The following IP6K1 variants were observed in gnomAD, a reference collection of about 807,000 sequenced individuals.
IP6K1 encodes the protein inositol hexakisphosphate kinase 1.
Under a neutral mutation model 38.3 loss-of-function variants are expected in IP6K1, and 13 were observed. The observed-to-expected ratio is 0.34, with a 90% confidence interval of 0.22 to 0.54. The LOEUF is 0.54. Ranked by LOEUF, IP6K1 falls within the 20% of genes least tolerant of loss-of-function variation. The probability of loss-of-function intolerance (pLI) is 0.92; values close to 1 mark genes in which losing one functional copy is unlikely to be tolerated. For missense variants in IP6K1, 397 were observed against 599.8 expected (o/e 0.66, Z 3.53); for synonymous variants, 212 against 229.9 (o/e 0.92, Z 0.70).
intron 3 of IP6K1, among the ~76,000 whole-genome samples, chr3:49,737,453 A>C (rs1348457858): frequency 6.6e-6 from 1 of 152,226 alleles, no homozygotes; most frequent in Non-Finnish European, 1.5e-5. Flanking sequence ...TGGGAAGCCA[A>C]GGCAGGCGAA....
At chr3:49,743,241 TAC>T (rs202144754) in intron 2 of IP6K1, among the ~76,000 whole-genome samples, 10,484 of 137,178 alleles carry the variant, frequency 0.076, 412 homozygotes, top group Non-Finnish European at 0.089. Context: ...AAAAACAAAA[TAC>T]ACACACACAC....
chr3:49,750,232 G>A (rs770921761), intron 1 of IP6K1, among the ~76,000 whole-genome samples: 24 of 152,090 alleles, frequency 1.6e-4, no homozygotes, highest in Admixed American at 9.8e-4. Context: ...TTCTGCCCTG[G>A]CCCCGGTCAG....
rs1472224597 is a variant in IP6K1, at chr3:49,727,169, C to G, written c.1279G>C (p.Glu427Gln). The change falls in exon 6 of 6, where the codon GAG becomes CAG. Residue 427 changes from glutamate to glutamine, a missense_variant. By Grantham distance (29) the Glu-to-Gln change is conservative. Coordinates refer to ENST00000321599, the MANE Select transcript of IP6K1 (RefSeq NM_153273.4). The surrounding 1 kb of genome is among the most constrained non-coding windows in gnomAD (Gnocchi z 5.9). ...GPDRGYVFGLENLISIMEQMR... is the reference protein window; with the variant it reads ...GPDRGYVFGLQNLISIMEQMR... ...TGTTCCATGATGCTGATGAGGTTCT[C>G]CAGGCCAAACACGTAGCCTCTGTCT... The G allele has an allele frequency of 1.9e-6, 3 of 1,613,902 alleles. No homozygotes were observed. Among genetic ancestry groups the G allele is most frequent in the Non-Finnish European group, 2.5e-6 (3 of 1,179,942 alleles).
intron 1 of IP6K1, among the ~76,000 whole-genome samples, chr3:49,762,015 G>A (rs922289724): frequency 2.0e-5 from 3 of 152,074 alleles, no homozygotes; most frequent in African/African-American, 7.2e-5. Context: ...GGCCTGGCAC[G>A]ATCTTGGCTC....
Position 49,754,217 on chromosome 3 carries a change from AT to A in IP6K1, c.-128-6050del, listed in dbSNP as rs1474822291. ...CTTCACTTTTACCAAAAAAAAAAAA[AT>A]TACAAAAATTAGCCAGGCGTGGTGG... On this transcript the variant is annotated intron_variant, in intron 1 of 5. Transcript: ENST00000321599. Among the ~76,000 whole-genome samples, 8 of 146,884 alleles carry A rather than the reference AT, an allele frequency of 5.4e-5. No individual in the cohort carries two copies. In the East Asian group the frequency reaches 1.4e-3, roughly 26 times the overall value.
chr3:49,730,141 C>T (rs550906868), intron 4 of IP6K1, among the ~76,000 whole-genome samples: 1 of 152,252 alleles, frequency 6.6e-6, no homozygotes, highest in South Asian at 2.1e-4. Flanking sequence ...GATCTGCCCA[C>T]CTCGGCCTCC....
chr3:49,757,870 C>T (rs573509134), intron 1 of IP6K1, among the ~76,000 whole-genome samples: 1 of 152,216 alleles, frequency 6.6e-6, no homozygotes, highest in Admixed American at 6.5e-5. Context: ...CTTATATTAG[C>T]AATATTCACA....
rs1189313550 is a variant in IP6K1, at chr3:49,772,241, A to ATGTG, written c.-129+14109_-129+14112dup. On this transcript the variant is annotated intron_variant, in intron 1 of 5. Transcript: ENST00000321599. ...AAAAAAAAAATATATATATATATAT[A>ATGTG]TGTGTGTGTGTGTGTAACACATATA... Among the ~76,000 whole-genome samples the ATGTG allele has an allele frequency of 6.1e-4, 86 of 141,194 alleles. 1 individual carries two copies. Among genetic ancestry groups the ATGTG allele is most frequent in the African/African-American group, 2.1e-3 (83 of 38,618 alleles). The allele number at this position is 141,194 out of a possible 152,430, so 92.6% of individuals were successfully genotyped here.
At chr3:49,734,995 T>C (rs2080595172) in intron 3 of IP6K1, among the ~76,000 whole-genome samples, 1 of 152,118 alleles carries the variant, frequency 6.6e-6, no homozygotes, top group African/African-American at 2.4e-5. Flanking sequence ...CTAGGTGATG[T>C]TATTCTATAC....
chr3:49,728,052 A>T lies in IP6K1; in HGVS notation c.792+51T>A, dbSNP rs1363861957. 3 of 1,569,360 alleles carry T rather than the reference A, an allele frequency of 1.9e-6. No homozygotes were observed. In the Middle Eastern group the frequency reaches 6.6e-4, roughly 344 times the overall value. On this transcript the variant is annotated intron_variant, in intron 5 of 5. Transcript: ENST00000321599. ...TAGATGGCAGGCAGGTATGAGCACA[A>T]CCCAAATCATGCAAGTGGCAGCACC...
intron 4 of IP6K1, among the ~76,000 whole-genome samples, chr3:49,730,676 A>G (rs1217552730): frequency 1.3e-5 from 2 of 151,908 alleles, no homozygotes; most frequent in Non-Finnish European, 2.9e-5. Flanking sequence ...CCTCCCAAGT[A>G]GCTGGAACTA....
At chr3:49,777,516 T>C (rs62260663) in intron 1 of IP6K1, among the ~76,000 whole-genome samples, 27,412 of 151,044 alleles carry the variant, frequency 0.18, 2,820 homozygotes, top group African/African-American at 0.26. Context: ...TGAGTGGAGA[T>C]TGCGCCACTG....
At position 49,727,575 on chromosome 3, in the gene IP6K1, A is replaced by G; in HGVS notation, c.873T>C (p.Asn291=). The part of the protein sequence containing the change: ...GRGLSIEGFR[N]ALYQYLHNGL... ...CATTGTGCAGATATTGATAGAGGGC[A>G]TTGCGGAAGCCTTCAATGGAGAGCC... Residue 291 remains asparagine, a synonymous_variant, in exon 6 of 6, where the codon AAT becomes AAC. Coordinates refer to ENST00000321599, the MANE Select transcript of IP6K1 (RefSeq NM_153273.4). This position sits in a 1 kb window ranked among gnomAD's most constrained non-coding sequence, Gnocchi z 5.9. 2 of 1,614,204 alleles carry G rather than the reference A, an allele frequency of 1.2e-6. No individual in the cohort carries two copies. The highest frequency in any genetic ancestry group is 1.7e-6 in the Non-Finnish European group (2 of 1,180,016).
chr3:49,773,253 T>C (rs1431897771), intron 1 of IP6K1, among the ~76,000 whole-genome samples: 1 of 152,150 alleles, frequency 6.6e-6, no homozygotes, highest in African/African-American at 2.4e-5. Flanking sequence ...TACTCAAACT[T>C]AATATGGGCT....
At chr3:49,773,415 C>T (rs533785313) in intron 1 of IP6K1, among the ~76,000 whole-genome samples, 52 of 152,220 alleles carry the variant, frequency 3.4e-4, no homozygotes, top group Middle Eastern at 3.4e-3. Context: ...TCGAGACCAT[C>T]CTGGCTAACA....
chr3:49,774,300 C>T lies in IP6K1; in HGVS notation c.-129+12054G>A, dbSNP rs145501770. ...GCGGGTGCCTGTAGTCCCAGCTACT[C>T]GAGAAGCTGAGGCAGGAGAATGGCG... is the stretch of plus-strand genomic sequence containing the variant. On this transcript the variant is annotated intron_variant, in intron 1 of 5. Coordinates refer to ENST00000321599, the MANE Select transcript of IP6K1 (RefSeq NM_153273.4). Among the ~76,000 whole-genome samples the T allele has an allele frequency of 7.0e-3, 1,030 of 147,082 alleles. 19 individuals carry two copies. The highest frequency in any genetic ancestry group is 0.025 in the African/African-American group (973 of 39,702).
At chr3:49,769,382 A>T (rs1022125648) in intron 1 of IP6K1, among the ~76,000 whole-genome samples, 1 of 152,216 alleles carries the variant, frequency 6.6e-6, no homozygotes, top group African/African-American at 2.4e-5. Context: ...AAGCTACAGT[A>T]GTGGGGTACT....
At position 49,780,309 on chromosome 3, in the gene IP6K1, T is replaced by TACACACAC. The variant is rs71080553; in HGVS notation, c.-129+6037_-129+6044dup. On this transcript the variant is annotated intron_variant, in intron 1 of 5. Coordinates refer to ENST00000321599, the MANE Select transcript of IP6K1 (RefSeq NM_153273.4). ...ACACGAGAATCTTTATCATCTTTCA[T>TACACACAC]ACACACACACACACACACACACACA... 7.6e-3 allele frequency among the ~76,000 whole-genome samples: 896 copies of TACACACAC among 117,610 alleles called. 38 individuals carry two copies. Among genetic ancestry groups the TACACACAC allele is most frequent in the East Asian group, 0.032 (94 of 2,940 alleles). 77.2% of individuals were successfully genotyped at this position (117,610 alleles called of 152,430 possible).
At chr3:49,756,817 CAAAAAAA>C (rs59808252) in intron 1 of IP6K1, among the ~76,000 whole-genome samples, 69,620 of 133,172 alleles carry the variant, frequency 0.52, 18,760 homozygotes, top group East Asian at 0.82. Context: ...AACTCCATCT[CAAAAAAA>C]AAAAAAAAAA....
Sources: gnomAD v4.1 joint callset for allele counts (sites outside exome capture counted in the v4.1 genomes callset) on GRCh38, gnomAD v4.1.1 for gene constraint, Gnocchi (gnomAD v3.1) non-coding constraint, MANE v1.5 for transcripts, NCBI Gene and HGNC (gene_info 2026-07-23, HGNC 2026-07-21) for gene names.